Variants in SUGCT observed in about 807,000 individuals in gnomAD.
SUGCT encodes succinyl-CoA:glutarate-CoA transferase.
A neutral mutation model predicts 55.0 loss-of-function variants in SUGCT; 41 were observed. That is an observed-to-expected ratio of 0.74 (90% CI 0.58 to 0.97). SUGCT has a LOEUF of 0.97. Among genes scored for constraint, SUGCT ranks in the 50% least tolerant of loss-of-function variants. SUGCT has a pLI of 0.00. For missense variants in SUGCT, 568 were observed against 547.8 expected (o/e 1.04, Z -0.37); for synonymous variants, 187 against 200.4 (o/e 0.93, Z 0.56).
chr7:40,323,906 C>T (rs1215331537), intron 9 of SUGCT, among the ~76,000 whole-genome samples: 1 of 152,128 alleles, frequency 6.6e-6, no homozygotes, highest in African/African-American at 2.4e-5. Context: ...ATCCTGCCAC[C>T]TTTACCTAGG....
At chr7:40,555,983 A>G (rs1488524796) in intron 12 of SUGCT, among the ~76,000 whole-genome samples, 2 of 152,092 alleles carry the variant, frequency 1.3e-5, no homozygotes, top group Non-Finnish European at 2.9e-5. Context: ...ATTTATCACC[A>G]TGTACCCTAC....
At chr7:40,221,316 A>C (rs1364155097) in intron 6 of SUGCT, among the ~76,000 whole-genome samples, 3 of 150,732 alleles carry the variant, frequency 2.0e-5, no homozygotes, top group Non-Finnish European at 4.4e-5. Flanking sequence ...TGGGAGGGTG[A>C]GGCACAAGAC....
At chr7:40,788,316 T>C (rs529889391) in intron 13 of SUGCT, among the ~76,000 whole-genome samples, 177 of 152,286 alleles carry the variant, frequency 1.2e-3, no homozygotes, top group African/African-American at 4.0e-3. Context: ...ACACTCAAAA[T>C]GTCCAGGAAT....
chr7:41,016,066 T>C, the SUGCT span, among the ~76,000 whole-genome samples: 3 of 152,180 alleles, frequency 2.0e-5, no homozygotes, highest in South Asian at 2.1e-4. Context: ...TATCTTTTCA[T>C]AGGACAAAAT....
At chr7:40,767,013 A>T (rs935219367) in intron 13 of SUGCT, among the ~76,000 whole-genome samples, 1 of 152,216 alleles carries the variant, frequency 6.6e-6, no homozygotes, top group African/African-American at 2.4e-5. Context: ...CATAACAGCA[A>T]TATCTCCACA....
chr7:41,033,861 G>A, the SUGCT span, among the ~76,000 whole-genome samples: 1 of 152,076 alleles, frequency 6.6e-6, no homozygotes, highest in Admixed American at 6.5e-5. Flanking sequence ...CCATCTGACA[G>A]CAAGGTCTTG....
At chr7:40,364,770 A>G (rs1292322575) in intron 9 of SUGCT, among the ~76,000 whole-genome samples, 1 of 152,072 alleles carries the variant, frequency 6.6e-6, no homozygotes, top group Non-Finnish European at 1.5e-5. Flanking sequence ...GCAATAATCA[A>G]TAGCTTACCA....
At chr7:40,395,549 T>C (rs1399536370) in intron 9 of SUGCT, among the ~76,000 whole-genome samples, 2 of 150,536 alleles carry the variant, frequency 1.3e-5, no homozygotes, top group African/African-American at 4.9e-5. Context: ...TCACCTCTGC[T>C]GTACTGAGTC....
chr7:40,656,647 T>G (rs1264855503), intron 12 of SUGCT, among the ~76,000 whole-genome samples: 1 of 152,166 alleles, frequency 6.6e-6, no homozygotes, highest in African/African-American at 2.4e-5. Context: ...TCAAACTCAT[T>G]TAGATGCTAG....
chr7:40,732,859 A>G (rs753074887), intron 12 of SUGCT, among the ~76,000 whole-genome samples: 35 of 152,030 alleles, frequency 2.3e-4, no homozygotes, highest in Non-Finnish European at 2.2e-4. Context: ...GGAGGCCAAG[A>G]TGGGTGGATC....
intron 9 of SUGCT, among the ~76,000 whole-genome samples, chr7:40,352,014 C>T (rs1047130188): frequency 6.6e-6 from 1 of 152,192 alleles, no homozygotes; most frequent in Non-Finnish European, 1.5e-5. Context: ...TTCTGTTATG[C>T]ACCCATGGTA....
intron 13 of SUGCT, among the ~76,000 whole-genome samples, chr7:40,814,996 T>TA (rs1218958021): frequency 6.6e-6 from 1 of 152,224 alleles, no homozygotes; most frequent in Non-Finnish European, 1.5e-5. Flanking sequence ...GCAGGTTTTA[T>TA]ATTGGGCTCT....
intron 9 of SUGCT, among the ~76,000 whole-genome samples, chr7:40,426,806 A>G (rs1011479894): frequency 6.6e-6 from 1 of 152,072 alleles, no homozygotes; most frequent in Non-Finnish European, 1.5e-5. Context: ...TTAATTTATT[A>G]TTTTTTAATT....
At chr7:40,464,113 G>T (rs2151456024) in intron 11 of SUGCT, among the ~76,000 whole-genome samples, 1 of 152,264 alleles carries the variant, frequency 6.6e-6, no homozygotes, top group East Asian at 1.9e-4. Context: ...AGGAAAACAT[G>T]AAATGAGGAT....
At chr7:40,161,400 T>C (rs947593891) in intron 1 of SUGCT, among the ~76,000 whole-genome samples, 8 of 152,196 alleles carry the variant, frequency 5.3e-5, no homozygotes, top group African/African-American at 1.9e-4. Flanking sequence ...GCTCTTTGTA[T>C]TCACACTCTT....
chr7:40,577,677 A>G (rs1335789255), intron 12 of SUGCT, among the ~76,000 whole-genome samples: 2 of 152,156 alleles, frequency 1.3e-5, no homozygotes, highest in Admixed American at 6.5e-5. Flanking sequence ...AACAAAGTTT[A>G]TAGACTCTGC....
At chr7:40,157,469 T>C (rs1783954126) in intron 1 of SUGCT, among the ~76,000 whole-genome samples, 1 of 152,184 alleles carries the variant, frequency 6.6e-6, no homozygotes, top group African/African-American at 2.4e-5. Context: ...ACTTAAGTAA[T>C]AATAACTCTG....
intron 1 of SUGCT, among the ~76,000 whole-genome samples, chr7:40,138,592 C>T (rs1426213848): frequency 6.6e-6 from 1 of 152,170 alleles, no homozygotes; most frequent in Non-Finnish European, 1.5e-5. Flanking sequence ...ATAGAAGGTG[C>T]ACTGATTTAC....
At position 40,143,515 on chromosome 7, in the gene SUGCT, C is replaced by T. The variant is rs142703702; in HGVS notation, c.100+8395C>T. On this transcript the variant is annotated intron_variant, in intron 1 of 13. Coordinates refer to ENST00000335693, the MANE Select transcript of SUGCT (RefSeq NM_001193313.2). The stretch of plus-strand genomic sequence containing the variant: ...CCATGCCTGGTTGACTGGATGACCA[C>T]CCTAGTGGAAAGGGGACAGTCTGGG... Among the ~76,000 whole-genome samples, 523 of 152,332 alleles carry T rather than the reference C, an allele frequency of 3.4e-3. 4 individuals carry two copies. Among genetic ancestry groups the T allele is most frequent in the African/African-American group, 0.012 (490 of 41,572 alleles).
Sources: allele counts gnomAD v4.1 joint callset (sites outside exome capture counted in the v4.1 genomes callset), GRCh38; gene constraint gnomAD v4.1.1; transcripts MANE v1.5; gene names NCBI Gene and HGNC (gene_info 2026-07-23, HGNC 2026-07-21).